Variants in NTRK2 observed in about 807,000 individuals in gnomAD.
NTRK2 encodes the protein neurotrophic receptor tyrosine kinase 2, also known as BDNF/NT-3 growth factors receptor.
NTRK2 carries 13 observed loss-of-function variants against 94.5 expected under a neutral mutation model. The observed-to-expected ratio is 0.14, with a 90% CI of 0.09 to 0.22. The LOEUF is 0.22. NTRK2 is among the 10% of genes least tolerant of loss of function. The pLI, the probability that NTRK2 is intolerant of heterozygous loss-of-function variation, is 1.00. For synonymous variants in NTRK2, 372 were observed against 407.4 expected, an observed-to-expected ratio of 0.91 and a Z score of 1.05; for missense variants, 639 against 1,071.2, an observed-to-expected ratio of 0.60 and a Z score of 5.63.
intron 14 of NTRK2, among the ~76,000 whole-genome samples, chr9:84,887,254 A>G (rs575725207): frequency 3.7e-4 from 57 of 152,358 alleles, no homozygotes; most frequent in African/African-American, 1.3e-3. Context: ...TTTATAACCA[A>G]GTATGAATGT....
chr9:84,828,272 G>A (rs10114276), intron 12 of NTRK2, among the ~76,000 whole-genome samples: 8,807 of 152,136 alleles, frequency 0.058, 324 homozygotes, highest in Admixed American at 0.092. Flanking sequence ...AGGCCTCTTT[G>A]TGCACACCTC....
At chr9:84,745,628 A>G (rs1014810917) in intron 11 of NTRK2, among the ~76,000 whole-genome samples, 26 of 152,220 alleles carry the variant, frequency 1.7e-4, no homozygotes, top group African/African-American at 5.8e-4. Flanking sequence ...TAGCTGGGAC[A>G]CTCTGAGGAG....
At position 85,023,498 on chromosome 9, in the gene NTRK2, G is replaced by A. The variant is rs995655272; in HGVS notation, c.*2061G>A. 1.3e-5 allele frequency: 3 copies of A among 232,550 alleles called. No individual in the cohort carries two copies. Among genetic ancestry groups the A allele is most frequent in the Admixed American group, 5.6e-5 (1 of 17,754 alleles). 14.4% of individuals were successfully genotyped at this position (232,550 alleles called of 1,614,324 possible). A position where few individuals can be genotyped will look rare whatever the true frequency, so the allele number is the denominator to read the frequency against. On this transcript the variant is annotated 3_prime_UTR_variant, in exon 19 of 19. Coordinates refer to ENST00000277120, the MANE Select transcript of NTRK2 (RefSeq NM_006180.6). ...CCAGTAGCAACTGCAGTCAAGCGAGGGAGTTGACAAGATAAACCTTACGTC... is the reference window on the plus strand; with the variant it reads ...CCAGTAGCAACTGCAGTCAAGCGAGAGAGTTGACAAGATAAACCTTACGTC...
At position 84,967,271 on chromosome 9, in the gene NTRK2, C is replaced by T. The variant is rs575078949; in HGVS notation, c.2172+11754C>T. On this transcript the variant is annotated intron_variant, in intron 17 of 18. Coordinates refer to ENST00000277120, the MANE Select transcript of NTRK2 (RefSeq NM_006180.6). ...ACAGAGCACACCACCGCCCCTGCCC[C>T]GCAACCCCTCTCCACAAGGAGCTGG... is the stretch of plus-strand genomic sequence containing the variant. Among the ~76,000 whole-genome samples, 8 of 152,306 alleles carry T rather than the reference C, an allele frequency of 5.3e-5. No individual in the cohort carries two copies. The South Asian group carries it at 8.3e-4, about 16-fold the overall frequency.
intron 17 of NTRK2, among the ~76,000 whole-genome samples, chr9:84,996,323 T>G (rs1215237727): frequency 6.6e-6 from 1 of 152,234 alleles, no homozygotes; most frequent in African/African-American, 2.4e-5. Context: ...TGGTTCTTAC[T>G]CAGCCAAGTT....
At chr9:84,931,135 G>A (rs1277756399) in intron 14 of NTRK2, among the ~76,000 whole-genome samples, 2 of 152,124 alleles carry the variant, frequency 1.3e-5, no homozygotes, top group African/African-American at 2.4e-5. Flanking sequence ...GGCCAGGCAC[G>A]GTGGCTCACA....
In NTRK2 at chr9:84,670,533, T is replaced by G; in HGVS notation, c.-216T>G. 1.2e-5 allele frequency: 7 copies of G among 569,028 alleles called. No homozygotes were observed. The highest frequency in any genetic ancestry group is 1.9e-5 in the African/African-American group (1 of 53,242). 35.2% of individuals were successfully genotyped at this position (569,028 alleles called of 1,614,324 possible). ...GCGGTAGCGCCCCCCTGTAAAGCGGTTCGCTATGCCGGGGCCACTGTGAAC... is the reference window on the plus strand; with the variant it reads ...GCGGTAGCGCCCCCCTGTAAAGCGGGTCGCTATGCCGGGGCCACTGTGAAC... On this transcript the variant is annotated 5_prime_UTR_variant, in exon 2 of 19. Transcript: ENST00000277120.
intron 17 of NTRK2, among the ~76,000 whole-genome samples, chr9:84,972,415 G>T (rs1033034806): frequency 1.3e-5 from 2 of 152,136 alleles, no homozygotes; most frequent in African/African-American, 4.8e-5. Flanking sequence ...TAAAAATTGT[G>T]TTCTATGGAA....
intron 14 of NTRK2, chr9:84,876,001 T>G: frequency 9.7e-7 from 1 of 1,032,664 alleles, no homozygotes; most frequent in Non-Finnish European, 1.2e-6. Flanking sequence ...AAGAAAACAA[T>G]AATATAATCC....
At chr9:84,928,182 G>T (rs1166359762) in intron 14 of NTRK2, among the ~76,000 whole-genome samples, 2 of 152,136 alleles carry the variant, frequency 1.3e-5, no homozygotes, top group African/African-American at 4.8e-5. Context: ...TAATAAAAAT[G>T]TAGGTGAAAC....
At chr9:84,771,922 A>C (rs541780495) in intron 12 of NTRK2, among the ~76,000 whole-genome samples, 1 of 152,228 alleles carries the variant, frequency 6.6e-6, no homozygotes, top group Non-Finnish European at 1.5e-5. Flanking sequence ...AATGGTAAAG[A>C]GTAAAATGAA....
intron 12 of NTRK2, among the ~76,000 whole-genome samples, chr9:84,797,569 T>A (rs62562381): frequency 0.044 from 2,578 of 58,306 alleles, 150 homozygotes; most frequent in East Asian, 0.12. Flanking sequence ...TACTATATAT[T>A]ATATATATTA....
intron 14 of NTRK2, among the ~76,000 whole-genome samples, chr9:84,918,066 A>G (rs753097892): frequency 2.6e-5 from 4 of 152,252 alleles, no homozygotes; most frequent in Non-Finnish European, 5.9e-5. Context: ...CAATTGACTT[A>G]CAAAAGTGGA....
intron 17 of NTRK2, among the ~76,000 whole-genome samples, chr9:84,991,144 T>C (rs936133828): frequency 6.6e-6 from 1 of 152,186 alleles, no homozygotes; most frequent in Non-Finnish European, 1.5e-5. Flanking sequence ...CCTCTCTTTT[T>C]CAAAGGAGGG....
intron 17 of NTRK2, among the ~76,000 whole-genome samples, chr9:85,019,636 C>T (rs1832606805): frequency 6.6e-6 from 1 of 152,166 alleles, no homozygotes; most frequent in Non-Finnish European, 1.5e-5. Context: ...ATCCAAAGAC[C>T]TGAGTTTTGT....
chr9:84,873,243 A>G (rs2075934909), intron 14 of NTRK2: 1 of 1,060,258 alleles, frequency 9.4e-7, no homozygotes, highest in East Asian at 5.1e-5. Flanking sequence ...TTTTCTCCTA[A>G]TTGTTTAATT....
rs1832653766 is a variant in NTRK2, at chr9:85,020,111, G to A, written c.2173-95G>A. 6.2e-6 allele frequency: 8 copies of A among 1,300,116 alleles called. No individual in the cohort carries two copies. The Admixed American group carries it at 1.2e-4, about 19-fold the overall frequency. 80.5% of individuals were successfully genotyped at this position (1,300,116 alleles called of 1,614,324 possible). On this transcript the variant is annotated intron_variant, in intron 17 of 18. Coordinates refer to ENST00000277120, the MANE Select transcript of NTRK2 (RefSeq NM_006180.6). Reference sequence around the variant, plus strand: ...TTATAAACAATTAAAACTATAAAGTGCAAATAAGGAAAGCAAACAGTGTCC... The same window carrying A: ...TTATAAACAATTAAAACTATAAAGTACAAATAAGGAAAGCAAACAGTGTCC...
At chr9:84,719,662 C>T (rs927598852) in intron 6 of NTRK2, among the ~76,000 whole-genome samples, 1 of 152,032 alleles carries the variant, frequency 6.6e-6, no homozygotes, top group African/African-American at 2.4e-5. Flanking sequence ...AGAACAAGCA[C>T]CATGACGGGC....
At chr9:84,882,365 A>G (rs1247783211) in intron 14 of NTRK2, among the ~76,000 whole-genome samples, 1 of 152,230 alleles carries the variant, frequency 6.6e-6, no homozygotes, top group African/African-American at 2.4e-5. Context: ...AAAATTGACA[A>G]CAAGGGAGAG....
Sources: gnomAD v4.1 joint callset for allele counts (sites outside exome capture counted in the v4.1 genomes callset) on GRCh38, gnomAD v4.1.1 for gene constraint, MANE v1.5 for transcripts, NCBI Gene and HGNC (gene_info 2026-07-23, HGNC 2026-07-21) for gene names.